SHC3: variants seen among roughly 807,000 people sequenced by gnomAD.
SHC3 encodes the protein SHC-transforming protein 3.
A neutral mutation model predicts 60.4 loss-of-function variants in SHC3; 15 were observed. The observed-to-expected ratio is 0.25, with a 90% CI of 0.17 to 0.38. The LOEUF (loss-of-function observed/expected upper bound fraction) is 0.38, where lower values mean the gene tolerates loss of function less well. Ranked by LOEUF, SHC3 falls within the 10% of genes least tolerant of loss-of-function variation. The probability of loss-of-function intolerance (pLI) is 1.00; values close to 1 mark genes in which losing one functional copy is unlikely to be tolerated. For synonymous variants in SHC3, 294 were observed against 325.9 expected (o/e 0.90, Z 1.05); for missense variants, 677 against 786.1 (o/e 0.86, Z 1.66).
intron 1 of SHC3, among the ~76,000 whole-genome samples, chr9:89,170,382 A>C (rs1826851934): frequency 6.6e-6 from 1 of 152,256 alleles, no homozygotes; most frequent in Admixed American, 6.5e-5. Context: ...ACAGTGGCTC[A>C]TGCCTGTAAT....
rs143304407 is a variant in SHC3 at position 89,038,038 on chromosome 9, G to A, written c.1611C>T (p.His537=). 109 of 1,613,156 alleles carry A rather than the reference G, an allele frequency of 6.8e-5. No homozygotes were observed. The highest frequency in any genetic ancestry group is 9.0e-5 in the Non-Finnish European group (106 of 1,180,054). The part of the protein sequence containing the change: ...NPGSFVLTGM[H]NGQAKHLLLV... ...GCAGCAGGTGCTTGGCCTGGCCATT[G>A]TGCATGCCCGTGAGGACAAAGGAGC... is the stretch of plus-strand genomic sequence containing the variant. Residue 537 remains histidine (H), a synonymous_variant, in exon 11 of 12, where the codon CAC becomes CAT. Coordinates refer to ENST00000375835, the MANE Select transcript of SHC3 (RefSeq NM_016848.6).
At chr9:89,018,800 A>T (rs1826146845) in intron 11 of SHC3, among the ~76,000 whole-genome samples, 1 of 151,214 alleles carries the variant, frequency 6.6e-6, no homozygotes, top group African/African-American at 2.4e-5. Flanking sequence ...TCATACCTGT[A>T]ATCCCAGCAC....
In SHC3 at chr9:89,045,731, C is replaced by T; in HGVS notation, c.1201+15G>A. The T allele has an allele frequency of 6.2e-7, 1 of 1,613,144 alleles. No homozygotes were observed. The highest frequency in any genetic ancestry group is 8.5e-7 in the Non-Finnish European group (1 of 1,179,402). On this transcript the variant is annotated intron_variant, in intron 9 of 11. Transcript: ENST00000375835. ...TGTCTTTTGTGTTTCTCACCCATCT[C>T]ACCTTGCCTCTCACCTTGCCTTAAA...
At chr9:89,059,352 AG>A (rs1825025686) in intron 6 of SHC3, among the ~76,000 whole-genome samples, 1 of 102,718 alleles carries the variant, frequency 9.7e-6, no homozygotes, top group African/African-American at 7.5e-5. Flanking sequence ...ACGGTGGTGG[AG>A]GATGTAGTGG....
chr9:89,118,162 T>A (rs905697170), intron 1 of SHC3, among the ~76,000 whole-genome samples: 6 of 152,014 alleles, frequency 3.9e-5, no homozygotes, highest in East Asian at 1.9e-4. Context: ...ACTTTTTTTT[T>A]AAAGTGTTGG....
At chr9:89,156,227 C>G (rs1001579256) in intron 1 of SHC3, among the ~76,000 whole-genome samples, 2 of 152,122 alleles carry the variant, frequency 1.3e-5, no homozygotes, top group Non-Finnish European at 2.9e-5. Context: ...ATGGAGCGGG[C>G]CATGTGGAAA....
chr9:89,086,035 T>C (rs1172759585), intron 2 of SHC3, among the ~76,000 whole-genome samples: 7 of 152,182 alleles, frequency 4.6e-5, no homozygotes, highest in Admixed American at 4.6e-4. Flanking sequence ...TATGAATCTA[T>C]ACAACTTAGC....
At chr9:89,042,544 T>C (rs1824704846) in intron 9 of SHC3, among the ~76,000 whole-genome samples, 2 of 152,230 alleles carry the variant, frequency 1.3e-5, no homozygotes, top group African/African-American at 4.8e-5. Context: ...ATCAAATAAC[T>C]GAGCAGAAGG....
intron 1 of SHC3, among the ~76,000 whole-genome samples, chr9:89,123,489 A>G (rs1312295736): frequency 1.3e-5 from 2 of 152,096 alleles, no homozygotes; most frequent in African/African-American, 4.8e-5. Flanking sequence ...TCTTCCTCCA[A>G]TAAGTCTCAG....
At chr9:89,049,752 A>G (rs1824832967) in intron 7 of SHC3, among the ~76,000 whole-genome samples, 1 of 152,218 alleles carries the variant, frequency 6.6e-6, no homozygotes, top group Non-Finnish European at 1.5e-5. Flanking sequence ...CCAATCACCG[A>G]GTTTTGGCCA....
At chr9:89,132,935 T>C (rs1587745124) in intron 1 of SHC3, among the ~76,000 whole-genome samples, 1 of 152,166 alleles carries the variant, frequency 6.6e-6, no homozygotes, top group Non-Finnish European at 1.5e-5. Context: ...AAAGAGCTTT[T>C]GCACAGCAAA....
chr9:89,024,959 G>A (rs546818102), intron 11 of SHC3, among the ~76,000 whole-genome samples: 2 of 152,262 alleles, frequency 1.3e-5, no homozygotes, highest in South Asian at 2.1e-4. Flanking sequence ...CTGAGGAGGT[G>A]GGGACAACAC....
intron 1 of SHC3, among the ~76,000 whole-genome samples, chr9:89,162,516 A>G (rs1826723614): frequency 6.6e-6 from 1 of 152,224 alleles, no homozygotes. Context: ...TTAACAAATG[A>G]TGCTGGGAAA....
At chr9:89,086,067 G>A (rs954518814) in intron 2 of SHC3, among the ~76,000 whole-genome samples, 1 of 152,194 alleles carries the variant, frequency 6.6e-6, no homozygotes, top group African/African-American at 2.4e-5. Flanking sequence ...CTGGCATGGG[G>A]CACATGCAAG....
At chr9:89,142,050 G>A (rs1205230102) in intron 1 of SHC3, among the ~76,000 whole-genome samples, 1 of 152,110 alleles carries the variant, frequency 6.6e-6, no homozygotes, top group Non-Finnish European at 1.5e-5. Flanking sequence ...TCCTGTACAT[G>A]CCTAATTCTG....
intron 6 of SHC3, among the ~76,000 whole-genome samples, chr9:89,057,191 A>G (rs1824966138): frequency 6.6e-6 from 1 of 152,240 alleles, no homozygotes; most frequent in Non-Finnish European, 1.5e-5. Context: ...CCTTAAAAGG[A>G]ATATCAAAAA....
chr9:89,099,442 C>T (rs1310799119), intron 2 of SHC3, among the ~76,000 whole-genome samples: 1 of 152,146 alleles, frequency 6.6e-6, no homozygotes, highest in Non-Finnish European at 1.5e-5. Context: ...ATCCTCTGAG[C>T]CATCAAGAAT....
rs533218683 is a variant in SHC3 at position 89,057,522 on chromosome 9, C to T, written c.836-5359G>A. Among the ~76,000 whole-genome samples, 11 of 152,042 alleles carry T rather than the reference C, an allele frequency of 7.2e-5. No individual in the cohort carries two copies. In the South Asian group the frequency reaches 2.1e-3, roughly 29 times the overall value. On this transcript the variant is annotated intron_variant, in intron 6 of 11. Coordinates refer to ENST00000375835, the MANE Select transcript of SHC3 (RefSeq NM_016848.6). ...GAATAAAAGGAGACTTCATATACTACCCTTGGAATTATAAAGTAAAATGAC... is the reference window on the plus strand; with the variant it reads ...GAATAAAAGGAGACTTCATATACTATCCTTGGAATTATAAAGTAAAATGAC...
chr9:89,145,293 A>G (rs1273920866), intron 1 of SHC3, among the ~76,000 whole-genome samples: 1 of 152,238 alleles, frequency 6.6e-6, no homozygotes, highest in African/African-American at 2.4e-5. Context: ...GCACTAAGAG[A>G]CCGAAAGTAA....
Sources: gnomAD v4.1 joint callset for allele counts (sites outside exome capture counted in the v4.1 genomes callset) on GRCh38, gnomAD v4.1.1 for gene constraint, MANE v1.5 for transcripts, NCBI Gene and HGNC (gene_info 2026-07-23, HGNC 2026-07-21) for gene names.